Variants in LRP2 observed in about 807,000 individuals in gnomAD.
LRP2 encodes low-density lipoprotein receptor-related protein 2.
Under a neutral mutation model 531.0 loss-of-function variants are expected in LRP2, and 172 were observed. That is an observed-to-expected ratio of 0.32 (90% CI 0.29 to 0.37). The LOEUF (loss-of-function observed/expected upper bound fraction) is 0.37. Ranked by LOEUF, LRP2 falls within the 10% of genes least tolerant of loss-of-function variation. The pLI is 1.00. For synonymous variants in LRP2, 1,992 were observed against 2,027.6 expected, an observed-to-expected ratio of 0.98 and a Z score of 0.47; for missense variants, 5,167 against 5,868.3, an observed-to-expected ratio of 0.88 and a Z score of 3.90.
intron 57 of LRP2, 94 bp from the exon 58 acceptor site, chr2:169,172,228 A>G (rs958408004): frequency 2.1e-6 from 3 of 1,437,924 alleles, no homozygotes; most frequent in Non-Finnish European, 1.9e-6. Context: ...TGAGAATTGT[A>G]TTAGCTCACT....
rs6744473 is a variant in LRP2, at chr2:169,181,788, A to T, written c.9999-170T>A. Among the ~76,000 whole-genome samples the T allele has an allele frequency of 0.48, 72,020 of 151,408 alleles. 18,166 individuals are homozygous for T. The highest frequency in any genetic ancestry group is 0.61 in the Admixed American group (9,225 of 15,234). ...AAAGAGAGCTAACAGCAAATAATCT[A>T]AAAAAGAAAAAGGAAGGGGACAATG... On this transcript the variant is annotated intron_variant, in intron 51 of 78. Transcript: ENST00000649046.
In LRP2 at chr2:169,235,821, T is replaced by C. The variant is rs1357490805; in HGVS notation, c.4920+19A>G. 1 of 1,593,414 alleles carries C rather than the reference T, an allele frequency of 6.3e-7. No individual in the cohort carries two copies. Among genetic ancestry groups the C allele is most frequent in the Admixed American group, 1.7e-5 (1 of 60,002 alleles). ...CCACGACTGTAGTTTTAATTTGGTT[T>C]TCCTCACCACCAACTTACCAAATCA... On this transcript the variant is annotated intron_variant, in intron 29 of 78. Coordinates refer to ENST00000649046, the MANE Select transcript of LRP2 (RefSeq NM_004525.3).
At chr2:169,232,502 A>G (rs1689444465) in intron 30 of LRP2, among the ~76,000 whole-genome samples, 1 of 152,164 alleles carries the variant, frequency 6.6e-6, no homozygotes, top group African/African-American at 2.4e-5. Flanking sequence ...GGACGCTATA[A>G]AAGTGGAGTA....
intron 16 of LRP2, among the ~76,000 whole-genome samples, chr2:169,269,367 C>T (rs1446614467): frequency 5.3e-5 from 8 of 152,182 alleles, no homozygotes; most frequent in Non-Finnish European, 8.8e-5. Context: ...TACAAGGCTA[C>T]AGTAACCAAA....
chr2:169,320,963 G>A, intron 1 of LRP2, 79 bp from the exon 2 acceptor site: 2 of 1,025,576 alleles, frequency 2.0e-6, no homozygotes, highest in Non-Finnish European at 3.0e-6. Flanking sequence ...TTGATAAAAT[G>A]AAAAATTATT....
chr2:169,228,622 T>C (rs1689286583), intron 31 of LRP2, among the ~76,000 whole-genome samples: 2 of 152,220 alleles, frequency 1.3e-5, no homozygotes, highest in South Asian at 2.1e-4. Flanking sequence ...CATGGTGCTC[T>C]TCCCTTAAGC....
intron 16 of LRP2, among the ~76,000 whole-genome samples, chr2:169,266,409 G>T (rs989415088): frequency 1.3e-5 from 2 of 152,010 alleles, no homozygotes; most frequent in East Asian, 3.9e-4. Flanking sequence ...GTTTTATATT[G>T]ATAACAGATA....
rs537918463 is a variant in LRP2 at position 169,313,900 on chromosome 2, C to T, written c.310+4862G>A. Among the ~76,000 whole-genome samples the T allele has an allele frequency of 4.3e-4, 65 of 152,230 alleles. No individual in the cohort carries two copies. The South Asian group carries it at 0.013, about 31-fold the overall frequency. ...TTCATGTTTTTGTCCATTAGTGGTC[C>T]GTGGGTATCTATAAATGAAGTCTAT... On this transcript the variant is annotated intron_variant, in intron 3 of 78. Transcript: ENST00000649046.
In LRP2 at chr2:169,170,446, A is replaced by T. The variant is rs947868813; in HGVS notation, c.11380+105T>A. The T allele has an allele frequency of 3.6e-6, 3 of 841,814 alleles. No individual in the cohort carries two copies. In the African/African-American group the frequency reaches 5.0e-5, roughly 14 times the overall value. 52.1% of individuals were successfully genotyped at this position (841,814 alleles called of 1,614,324 possible). On this transcript the variant is annotated intron_variant, in intron 59 of 78. Transcript: ENST00000649046. Reference sequence around the variant, plus strand: ...TTATGCTAAGGTTTACATATTACACATATACAAAAATAATTTTCCTCTAAA... The same window carrying T: ...TTATGCTAAGGTTTACATATTACACTTATACAAAAATAATTTTCCTCTAAA...
At chr2:169,145,647 G>C in intron 70 of LRP2, 100 bp downstream of exon 70, 1 of 1,171,118 alleles carries the variant, frequency 8.5e-7, no homozygotes. Flanking sequence ...CAAGAGATTA[G>C]CTTGTTGTTA....
chr2:169,308,804 T>A (rs1684502633), intron 3 of LRP2, among the ~76,000 whole-genome samples: 1 of 152,218 alleles, frequency 6.6e-6, no homozygotes, highest in African/African-American at 2.4e-5. Context: ...CCACACTGTC[T>A]TCCACAATGG....
intron 10 of LRP2, among the ~76,000 whole-genome samples, chr2:169,281,393 G>C (rs532879216): frequency 3.9e-5 from 6 of 152,290 alleles, no homozygotes; most frequent in African/African-American, 1.4e-4. Context: ...TTGCACTCCA[G>C]CCTGGGCAAC....
intron 1 of LRP2, among the ~76,000 whole-genome samples, chr2:169,329,175 C>T (rs772991408): frequency 6.6e-6 from 1 of 152,178 alleles, no homozygotes; most frequent in Admixed American, 6.5e-5. Flanking sequence ...AATTATAAGA[C>T]TACACTGGGT....
chr2:169,216,487 G>A, intron 34 of LRP2, 57 bp from the exon 35 acceptor site: 1 of 1,534,240 alleles, frequency 6.5e-7, no homozygotes, highest in South Asian at 1.1e-5. Flanking sequence ...TTGAGTCAGT[G>A]ACATAAATGA....
intron 62 of LRP2, among the ~76,000 whole-genome samples, chr2:169,165,068 G>T (rs992891831): frequency 6.6e-6 from 1 of 152,196 alleles, no homozygotes; most frequent in Non-Finnish European, 1.5e-5. Context: ...GGTTGTGGTA[G>T]TGTCAAAGTC....
chr2:169,194,748 G>A (rs1029663877), intron 46 of LRP2, among the ~76,000 whole-genome samples: 1 of 135,040 alleles, frequency 7.4e-6, no homozygotes, highest in Non-Finnish European at 1.5e-5. Context: ...TGGAGACAGA[G>A]TCTCACTCTG....
At chr2:169,293,702 C>T (rs2105471560) in intron 6 of LRP2, among the ~76,000 whole-genome samples, 1 of 152,158 alleles carries the variant, frequency 6.6e-6, no homozygotes, top group South Asian at 2.1e-4. Flanking sequence ...GAAAAAGAAA[C>T]TTTCCTGACC....
chr2:169,326,549 G>A (rs1379831511), intron 1 of LRP2, among the ~76,000 whole-genome samples: 4 of 151,848 alleles, frequency 2.6e-5, no homozygotes, highest in East Asian at 2.0e-4. Flanking sequence ...GTACAGTGGC[G>A]TGATCTCAGC....
chr2:169,282,679 T>C (rs573686490), intron 10 of LRP2, among the ~76,000 whole-genome samples, 194 bp downstream of exon 10: 25 of 152,324 alleles, frequency 1.6e-4, no homozygotes, highest in Admixed American at 5.2e-4. Context: ...AGTCGACAAA[T>C]TGGTCCTTAA....
Sources: gnomAD v4.1 joint callset for allele counts (sites outside exome capture counted in the v4.1 genomes callset) on GRCh38, gnomAD v4.1.1 for gene constraint, MANE v1.5 for transcripts, NCBI Gene and HGNC (gene_info 2026-07-23, HGNC 2026-07-21) for gene names.